The following DCHS1 variants were observed in gnomAD, a reference collection of about 807,000 sequenced individuals.
DCHS1 encodes dachsous cadherin-related 1.
Under a neutral mutation model 213.9 loss-of-function variants are expected in DCHS1, and 78 were observed. The ratio of observed to expected loss-of-function variants is 0.36; its 90% CI spans 0.30 to 0.44. DCHS1 has a LOEUF of 0.44. DCHS1 is among the 20% of genes least tolerant of loss of function. DCHS1 has a pLI of 1.00. For missense variants in DCHS1, 3,946 were observed against 4,395.9 expected, an observed-to-expected ratio of 0.90 and a Z score of 2.89; for synonymous variants, 1,828 against 1,873.7, an observed-to-expected ratio of 0.98 and a Z score of 0.63.
chr11:6,650,226 A>G (rs1360144432), intron 1 of DCHS1, among the ~76,000 whole-genome samples: 1 of 152,196 alleles, frequency 6.6e-6, no homozygotes, highest in African/African-American at 2.4e-5. Context: ...AAGAGAAAAA[A>G]ATAACAAGGA....
intron 4 of DCHS1, 49 bp downstream of exon 4, chr11:6,633,740 G>A (rs1855947590): frequency 6.3e-7 from 1 of 1,599,038 alleles, no homozygotes; most frequent in Non-Finnish European, 8.5e-7. Context: ...ATTTAGGCAG[G>A]TGGGGAGGGG....
intron 1 of DCHS1, among the ~76,000 whole-genome samples, chr11:6,644,269 G>A (rs1450399698): frequency 6.6e-6 from 1 of 152,164 alleles, no homozygotes; most frequent in Non-Finnish European, 1.5e-5. Context: ...CACTAACTAG[G>A]TATAGAACTT....
At position 6,629,910 on chromosome 11, in the gene DCHS1, T is replaced by C; in HGVS notation, c.4797A>G (p.Gly1599=). 8.7e-6 allele frequency: 14 copies of C among 1,611,198 alleles called. No homozygotes were observed. Among genetic ancestry groups the C allele is most frequent in the Non-Finnish European group, 1.2e-5 (14 of 1,178,162 alleles). Residue 1599 remains glycine, a splice_region_variant and synonymous_variant, in exon 11 of 21, where the codon GGA becomes GGG. Transcript: ENST00000299441. ...CCAACGGCCGCACCACGGACAGCGC[T>C]CCTAGGTGAGCGGTAAGGCAGGTTG... is the stretch of plus-strand genomic sequence containing the variant. ...DGHFRLHSST[G]ALSVVRPLDR...
rs578039974 is a variant in DCHS1 at position 6,630,482 on chromosome 11, G to A, written c.4312C>T (p.Arg1438Cys). 3.3e-6 allele frequency: 5 copies of A among 1,533,308 alleles called. No homozygotes were observed. The highest frequency in any genetic ancestry group is 3.8e-5 in the Admixed American group (2 of 53,050). The allele number at this position is 1,533,308 out of a possible 1,614,324, so 95.0% of individuals were successfully genotyped here. A position where few individuals can be genotyped will look rare whatever the true frequency, so the allele number is the denominator to read the frequency against. The change falls in exon 10 of 21, where the codon CGC (arginine) becomes TGC (cysteine). Residue 1438 changes from arginine (R) to cysteine (C), a missense_variant. Arg to Cys is a radical substitution (Grantham distance 180). Transcript: ENST00000299441. The part of the protein sequence containing the change: ...DENEHAPAFA[R>C]DPLALALPEN... ...GGCAGCGCCAGCGCCAGCGGGTCGC[G>A]CGCAAAGGCGGGCGCATGCTCATTC...
At position 6,631,156 on chromosome 11, in the gene DCHS1, G is replaced by T. The variant is rs748334803; in HGVS notation, c.3827C>A (p.Ala1276Glu). ...CCGCTCTGCTCGGATCAGGGGAGCT[G>T]CAGTGAGCAGCTCCCCTGAGTGAGG... is the stretch of plus-strand genomic sequence containing the variant. Reference protein sequence around the residue: ...LHPHSGELLTAAPLIRAERPH... With the variant: ...LHPHSGELLTEAPLIRAERPH... Residue 1276 changes from alanine to glutamate, a missense_variant, in exon 9 of 21, where the codon GCA (alanine) becomes GAA (glutamate). This residue lies in a region of DCHS1 where 3,384 missense variants were observed against 3,780.1 expected (regional missense o/e 0.90). Coordinates refer to ENST00000299441, the MANE Select transcript of DCHS1 (RefSeq NM_003737.4). 75 of 1,612,206 alleles carry T rather than the reference G, an allele frequency of 4.7e-5. 1 individual carries two copies. The South Asian group carries it at 7.8e-4, about 17-fold the overall frequency.
At position 6,627,656 on chromosome 11, in the gene DCHS1, A is replaced by T. The variant is rs1311939182; in HGVS notation, c.5383T>A (p.Ser1795Thr). 53 of 1,612,272 alleles carry T rather than the reference A, an allele frequency of 3.3e-5. No homozygotes were observed. The highest frequency in any genetic ancestry group is 4.5e-5 in the Non-Finnish European group (53 of 1,179,254). The stretch of plus-strand genomic sequence containing the variant: ...GCAAGGTCTAGGACAAAGGCTCCTG[A>T]TGGGTCCCCATCTGCAGAGAAGGGC... ...LQYRILDGDPSGAFVLDLASG... is the reference protein window; with the variant it reads ...LQYRILDGDPTGAFVLDLASG... Residue 1795 changes from serine (S) to threonine (T), a missense_variant, in exon 14 of 21, where the codon TCA (serine) becomes ACA (threonine). By Grantham distance (58) the Ser-to-Thr change is moderately conservative. Coordinates refer to ENST00000299441, the MANE Select transcript of DCHS1 (RefSeq NM_003737.4). This position sits in a 1 kb window ranked among gnomAD's most constrained non-coding sequence, Gnocchi z 5.4.
At chr11:6,637,235 G>A (rs1855998388) in intron 2 of DCHS1, among the ~76,000 whole-genome samples, 1 of 152,108 alleles carries the variant, frequency 6.6e-6, no homozygotes, top group Admixed American at 6.5e-5. Context: ...TGGCACTACT[G>A]ACATTTTGGA....
chr11:6,624,651 A>G (rs1297543745), intron 20 of DCHS1, 79 bp downstream of exon 20: 2 of 1,586,654 alleles, frequency 1.3e-6, no homozygotes, highest in Non-Finnish European at 1.7e-6. Context: ...AAAGAGTTTG[A>G]GTAACAAATT....
rs958695491 is a variant in DCHS1, at chr11:6,655,799, C to G, written c.-357G>C. 2.0e-5 allele frequency: 20 copies of G among 976,346 alleles called. No homozygotes were observed. In the African/African-American group the frequency reaches 3.6e-4, roughly 18 times the overall value. The allele number at this position is 976,346 out of a possible 1,614,324, so 60.5% of individuals were successfully genotyped here. ...CTGCACAGCCGCCCCGCCGAGGATG[C>G]GAGCTCCGCTGCCGCGGCCCCGCGC... is the stretch of plus-strand genomic sequence containing the variant. On this transcript the variant is annotated 5_prime_UTR_variant, in exon 1 of 21. Transcript: ENST00000299441.
In DCHS1 at chr11:6,632,339, G is replaced by T; in HGVS notation, c.3173C>A (p.Ala1058Glu). ...EPQSGWLWVR[A>E]ALDREAQELY... is the part of the protein sequence containing the mutation. ...TTCCTGGGCCTCACGGTCTAGTGCT[G>T]CCCGCACCCATAGCCACCCACTCTG... Residue 1058 changes from alanine (A) to glutamate (E), a missense_variant, in exon 6 of 21, where the codon GCA becomes GAA. This residue lies in a region of DCHS1 where 3,384 missense variants were observed against 3,780.1 expected (regional missense o/e 0.90). Transcript: ENST00000299441. The surrounding 1 kb of genome is among the most constrained non-coding windows in gnomAD (Gnocchi z 5.9). 1 of 1,613,910 alleles carries T rather than the reference G, an allele frequency of 6.2e-7. No individual in the cohort carries two copies. The highest frequency in any genetic ancestry group is 8.5e-7 in the Non-Finnish European group (1 of 1,179,842).
At chr11:6,637,131 C>T (rs901076210) in intron 2 of DCHS1, among the ~76,000 whole-genome samples, 21 of 152,332 alleles carry the variant, frequency 1.4e-4, no homozygotes, top group Middle Eastern at 3.4e-3. Flanking sequence ...TAGGCCTGAG[C>T]TGTCCTGAGT....
At chr11:6,635,490 G>C (rs1855973740) in intron 2 of DCHS1, among the ~76,000 whole-genome samples, 1 of 152,204 alleles carries the variant, frequency 6.6e-6, no homozygotes, top group East Asian at 1.9e-4. Flanking sequence ...GAGGAAGCTG[G>C]AGAGTTCCCC....
Position 6,625,273 on chromosome 11 carries a change from C to G in DCHS1, c.7071G>C (p.Glu2357Asp). ...LQLLAHDGPH[E>D]GRANLTVLVE... is the part of the protein sequence containing the mutation. ...CAAGCACTGTGAGGTTGGCACGGCC[C>G]TCATGAGGCCCATCATGTGCCAGCA... Residue 2357 changes from glutamate (E) to aspartate (D), a missense_variant, in exon 19 of 21, where the codon GAG (glutamate) becomes GAC (aspartate). Glu to Asp is a conservative substitution (Grantham distance 45). Around this residue, in one of 3 missense-constraint regions of DCHS1, gnomAD observed 3,384 missense variants for 3,780.1 expected, o/e 0.90. Transcript: ENST00000299441. This position sits in a 1 kb window ranked among gnomAD's most constrained non-coding sequence, Gnocchi z 5.3. 6.2e-7 allele frequency: 1 copy of G among 1,613,716 alleles called. No homozygotes were observed. Among genetic ancestry groups the G allele is most frequent in the East Asian group, 2.2e-5 (1 of 44,878 alleles).
chr11:6,650,267 G>C (rs1024679653), intron 1 of DCHS1, among the ~76,000 whole-genome samples: 14 of 152,228 alleles, frequency 9.2e-5, no homozygotes, highest in African/African-American at 3.4e-4. Flanking sequence ...GCAGAGAAGG[G>C]CTTGGAAGTT....
intron 1 of DCHS1, among the ~76,000 whole-genome samples, chr11:6,651,010 A>T (rs561206825): frequency 6.6e-6 from 1 of 152,270 alleles, no homozygotes; most frequent in South Asian, 2.1e-4. Flanking sequence ...TGAAGAGTGA[A>T]CGAGGGTGAG....
At chr11:6,643,550 T>G (rs1856111886) in intron 1 of DCHS1, among the ~76,000 whole-genome samples, 1 of 152,186 alleles carries the variant, frequency 6.6e-6, no homozygotes, top group South Asian at 2.1e-4. Flanking sequence ...CATGCTTCCC[T>G]GCCCACTCCT....
rs765894776 is a variant in DCHS1 at position 6,625,185 on chromosome 11, T to C, written c.7146+13A>G. On this transcript the variant is annotated intron_variant, in intron 19 of 20. Coordinates refer to ENST00000299441, the MANE Select transcript of DCHS1 (RefSeq NM_003737.4). The surrounding 1 kb of genome is among the most constrained non-coding windows in gnomAD (Gnocchi z 5.3). ...CCAGGCCCAGGTGTAGGTGGATCCA[T>C]GGGTGTCAATACCTGGTAGAGGCTC... is the stretch of plus-strand genomic sequence containing the variant. The C allele has an allele frequency of 5.1e-6, 8 of 1,570,244 alleles. No homozygotes were observed. The African/African-American group carries it at 1.1e-4, about 21-fold the overall frequency.
Position 6,655,456 on chromosome 11 carries a change from C to T in DCHS1, c.-121+107G>A, listed in dbSNP as rs555552507. 5.2e-6 allele frequency: 4 copies of T among 774,366 alleles called. No homozygotes were observed. In the East Asian group the frequency reaches 5.1e-4, roughly 99 times the overall value. 48.0% of individuals were successfully genotyped at this position (774,366 alleles called of 1,614,324 possible). On this transcript the variant is annotated intron_variant, in intron 1 of 20. Transcript: ENST00000299441. ...CCAGGCCCCCCCTCCCCCATTGTCT[C>T]CGGCTCAGAACAAAGCCCCCGGCTC...
intron 12 of DCHS1, 90 bp downstream of exon 12, chr11:6,629,359 ACTT>A (rs1328071732): frequency 1.3e-5 from 19 of 1,498,244 alleles, no homozygotes; most frequent in Non-Finnish European, 1.7e-5. Flanking sequence ...ATAGGCAAAA[ACTT>A]CTAAAAGGTA....
Sources: gnomAD v4.1 joint callset for allele counts (sites outside exome capture counted in the v4.1 genomes callset) on GRCh38, gnomAD v4.1.1 for gene constraint, gnomAD v4.1.1 regional missense constraint, Gnocchi (gnomAD v3.1) non-coding constraint, MANE v1.5 for transcripts, NCBI Gene and HGNC (gene_info 2026-07-23, HGNC 2026-07-21) for gene names.